The following SLC6A2 variants were observed in gnomAD, a reference collection of about 807,000 sequenced individuals.
The protein encoded by SLC6A2 is sodium-dependent noradrenaline transporter.
Under a neutral mutation model 71.7 loss-of-function variants are expected in SLC6A2, and 26 were observed. The ratio of observed to expected loss-of-function variants is 0.36; its 90% CI spans 0.27 to 0.50. SLC6A2 has a LOEUF of 0.50. SLC6A2 is among the 20% of genes least tolerant of loss of function. SLC6A2 has a pLI of 0.96. For missense variants in SLC6A2, 581 were observed against 803.9 expected (o/e 0.72, Z 3.35); for synonymous variants, 363 against 337.9 (o/e 1.07, Z -0.82).
At position 55,702,327 on chromosome 16, in the gene SLC6A2, A is replaced by G. The variant is rs1597019792; in HGVS notation, c.1835A>G (p.Gln612Arg). 6.2e-7 allele frequency: 1 copy of G among 1,614,144 alleles called. No homozygotes were observed. The highest frequency in any genetic ancestry group is 8.5e-7 in the Non-Finnish European group (1 of 1,180,022). Reference sequence around the variant, plus strand: ...CCTCGCTGTCTTTCTCTGCAGTTGCAACACTGGCTGGCCATCTGAGCCTGC... The same window carrying G: ...CCTCGCTGTCTTTCTCTGCAGTTGCGACACTGGCTGGCCATCTGAGCCTGC... ...AQRDIRQFQL[Q>R]HWLAI Residue 612 changes from glutamine to arginine, a missense_variant, in exon 15 of 15, where the codon CAA (glutamine) becomes CGA (arginine). Coordinates refer to ENST00000568943, the MANE Select transcript of SLC6A2 (RefSeq NM_001172501.3).
At chr16:55,662,274 A>G (rs1461256762) in intron 2 of SLC6A2, among the ~76,000 whole-genome samples, 3 of 152,254 alleles carry the variant, frequency 2.0e-5, no homozygotes, top group Non-Finnish European at 4.4e-5. Context: ...ATTAGGCCAC[A>G]GCACAAGTGG....
intron 2 of SLC6A2, among the ~76,000 whole-genome samples, chr16:55,664,260 C>T (rs1035696750): frequency 5.9e-5 from 9 of 152,182 alleles, no homozygotes; most frequent in Non-Finnish European, 1.5e-5. Flanking sequence ...CATGCATCCC[C>T]CTCCCACTAC....
In SLC6A2 at chr16:55,661,326, A is replaced by G. The variant is rs139371989; in HGVS notation, c.274+4358A>G. 1.4e-3 allele frequency among the ~76,000 whole-genome samples: 213 copies of G among 152,288 alleles called. 1 individual carries two copies. The highest frequency in any genetic ancestry group is 4.9e-3 in the African/African-American group (203 of 41,564). On this transcript the variant is annotated intron_variant, in intron 2 of 14. Coordinates refer to ENST00000568943, the MANE Select transcript of SLC6A2 (RefSeq NM_001172501.3). ...GTCTTTAGGTTCAGGGTCTGAGTCT[A>G]ACTTTTGCTAGAAAGGTAACGATAG...
intron 2 of SLC6A2, among the ~76,000 whole-genome samples, chr16:55,666,755 C>G (rs189179243): frequency 1.3e-5 from 2 of 152,230 alleles, no homozygotes; most frequent in Admixed American, 6.5e-5. Context: ...GCAGTGTCAC[C>G]CAGAGGTTTA....
intron 6 of SLC6A2, among the ~76,000 whole-genome samples, chr16:55,692,744 C>G (rs982655089): frequency 9.8e-5 from 15 of 152,328 alleles, no homozygotes; most frequent in Non-Finnish European, 1.3e-4. Flanking sequence ...TCCAGGGTTT[C>G]TTTATTTGAA....
At chr16:55,692,585 G>A (rs1431067219) in intron 6 of SLC6A2, among the ~76,000 whole-genome samples, 1 of 152,238 alleles carries the variant, frequency 6.6e-6, no homozygotes, top group Non-Finnish European at 1.5e-5. Context: ...TGGTAGTGGA[G>A]TCCAGTGCAG....
Position 55,702,465 on chromosome 16 carries a change from C to T in SLC6A2, c.*119C>T. 6.3e-7 allele frequency: 1 copy of T among 1,588,382 alleles called. No homozygotes were observed. The highest frequency in any genetic ancestry group is 8.6e-7 in the Non-Finnish European group (1 of 1,166,616). On this transcript the variant is annotated 3_prime_UTR_variant, in exon 15 of 15. Transcript: ENST00000568943. ...CCCCTGGAAGTTGTCCTTTCTGATC[C>T]TCTCTTCTTTTCCCATTTACAAATG...
chr16:55,701,642 G>A (rs945464239), intron 13 of SLC6A2, among the ~76,000 whole-genome samples: 1 of 152,248 alleles, frequency 6.6e-6, no homozygotes, highest in South Asian at 2.1e-4. Context: ...CTAGCCCCAT[G>A]TCTGACCACA....
At position 55,696,295 on chromosome 16, in the gene SLC6A2, T is replaced by C. The variant is rs1437609743; in HGVS notation, c.1218T>C (p.Val406=). The C allele has an allele frequency of 1.4e-5, 22 of 1,613,706 alleles. No individual in the cohort carries two copies. Among genetic ancestry groups the C allele is most frequent in the Non-Finnish European group, 1.8e-5 (21 of 1,179,898 alleles). ...TGTCTGGATCTACATTCTGGGCTGT[T>C]GTGTTTTTCGTCATGCTCCTGGCGC... ...STLSGSTFWA[V]VFFVMLLALG... The change falls in exon 9 of 15, where the codon GTT becomes GTC. Residue 406 remains valine (V), a synonymous_variant. Coordinates refer to ENST00000568943, the MANE Select transcript of SLC6A2 (RefSeq NM_001172501.3).
intron 13 of SLC6A2, among the ~76,000 whole-genome samples, chr16:55,701,012 CA>C (rs1265362018): frequency 6.6e-6 from 1 of 152,112 alleles, no homozygotes; most frequent in Non-Finnish European, 1.5e-5. Flanking sequence ...CTTTACAAAA[CA>C]AAGATGATTT....
intron 5 of SLC6A2, among the ~76,000 whole-genome samples, chr16:55,688,447 C>A (rs1430519917): frequency 6.6e-6 from 1 of 152,224 alleles, no homozygotes; most frequent in Non-Finnish European, 1.5e-5. Flanking sequence ...CCCCATAAAT[C>A]TCCCTTTTTA....
intron 10 of SLC6A2, 135 bp downstream of exon 10, chr16:55,698,160 G>A: frequency 1.0e-6 from 1 of 982,288 alleles, no homozygotes; most frequent in Non-Finnish European, 1.6e-6. Context: ...CAATTCAGCG[G>A]CCTGACCCAC....
At chr16:55,670,448 A>C (rs1003267268) in intron 3 of SLC6A2, among the ~76,000 whole-genome samples, 4 of 152,214 alleles carry the variant, frequency 2.6e-5, no homozygotes, top group Admixed American at 6.5e-5. Flanking sequence ...AATTCAACTC[A>C]AACTGGCTTC....
chr16:55,692,134 C>A, intron 6 of SLC6A2, 82 bp downstream of exon 6: 1 of 1,485,088 alleles, frequency 6.7e-7, no homozygotes, highest in Middle Eastern at 1.7e-4. Flanking sequence ...AAATCTGGTC[C>A]CAGCTCTGCC....
At chr16:55,692,296 A>G (rs1215547550) in intron 6 of SLC6A2, among the ~76,000 whole-genome samples, 2 of 152,224 alleles carry the variant, frequency 1.3e-5, no homozygotes, top group Non-Finnish European at 2.9e-5. Context: ...TGGTCTTCAC[A>G]GACTACTCTT....
chr16:55,670,496 C>T (rs1012087662), intron 3 of SLC6A2, among the ~76,000 whole-genome samples: 11 of 152,198 alleles, frequency 7.2e-5, no homozygotes, highest in South Asian at 6.2e-4. Context: ...CAGTAAAGTC[C>T]GGGGATTGGC....
chr16:55,692,189 G>A, intron 6 of SLC6A2, 137 bp downstream of exon 6: 1 of 1,034,968 alleles, frequency 9.7e-7, no homozygotes, highest in Non-Finnish European at 1.5e-6. Flanking sequence ...CCCTGTCTGA[G>A]GTGCAGCTTC....
intron 2 of SLC6A2, among the ~76,000 whole-genome samples, chr16:55,660,596 C>T (rs1470772455): frequency 1.3e-5 from 2 of 152,226 alleles, no homozygotes; most frequent in Non-Finnish European, 2.9e-5. Context: ...GTTGCAGAAG[C>T]AGCCGTTTAA....
At chr16:55,669,720 C>G in intron 3 of SLC6A2, 24 bp downstream of exon 3, 1 of 1,613,792 alleles carries the variant, frequency 6.2e-7, no homozygotes, top group Non-Finnish European at 8.5e-7. Context: ...GGGAGAAAGT[C>G]ACGGTTGTTC....
Sources: allele counts gnomAD v4.1 joint callset (sites outside exome capture counted in the v4.1 genomes callset), GRCh38; gene constraint gnomAD v4.1.1; transcripts MANE v1.5; gene names NCBI Gene and HGNC (gene_info 2026-07-23, HGNC 2026-07-21).